The following SH3GL3 variants were observed in gnomAD, a reference collection of about 807,000 sequenced individuals.
SH3GL3 encodes endophilin-A3.
Under a neutral mutation model 47.7 loss-of-function variants are expected in SH3GL3, and 33 were observed. That is an observed-to-expected ratio of 0.69 (90% CI 0.52 to 0.92). SH3GL3 has a LOEUF of 0.92. Ranked by LOEUF, SH3GL3 falls within the 40% of genes least tolerant of loss-of-function variation. SH3GL3 has a pLI of 0.00. For synonymous variants in SH3GL3, 155 were observed against 148.8 expected, an observed-to-expected ratio of 1.04 and a Z score of -0.30; for missense variants, 363 against 417.8, an observed-to-expected ratio of 0.87 and a Z score of 1.14.
At chr15:83,541,336 T>C (rs2044153148) in intron 1 of SH3GL3, among the ~76,000 whole-genome samples, 1 of 95,244 alleles carries the variant, frequency 1.0e-5, no homozygotes, top group Non-Finnish European at 2.1e-5. Flanking sequence ...TTTTTTTTTT[T>C]TTTTTTTTTT....
the SH3GL3 span, among the ~76,000 whole-genome samples, chr15:83,627,303 C>T: frequency 2.7e-5 from 4 of 149,134 alleles, no homozygotes; most frequent in African/African-American, 4.9e-5. Flanking sequence ...AGGCTGAGGC[C>T]GGAGAATGGG....
intron 7 of SH3GL3, 34 bp downstream of exon 7, chr15:83,587,120 C>A: frequency 8.7e-7 from 1 of 1,149,770 alleles, no homozygotes; most frequent in Non-Finnish European, 1.3e-6. Flanking sequence ...AAGCCAAGGG[C>A]TGCGGAGGTA....
At chr15:83,507,075 C>T (rs918632083) in intron 1 of SH3GL3, among the ~76,000 whole-genome samples, 7 of 151,350 alleles carry the variant, frequency 4.6e-5, no homozygotes, top group South Asian at 2.1e-4. Flanking sequence ...GCACGATCTC[C>T]GCTCACTGCA....
intron 1 of SH3GL3, among the ~76,000 whole-genome samples, chr15:83,471,895 T>C (rs889872772): frequency 2.0e-5 from 3 of 152,184 alleles, no homozygotes; most frequent in Non-Finnish European, 2.9e-5. Flanking sequence ...CTTTTCTTTT[T>C]TTTTTGAGAC....
chr15:83,576,536 G>T (rs766026484), intron 5 of SH3GL3, 47 bp from the exon 6 acceptor site: 1 of 1,524,922 alleles, frequency 6.6e-7, no homozygotes, highest in Non-Finnish European at 8.8e-7. Flanking sequence ...TTTGTGCCAG[G>T]TTTTGAATGT....
chr15:83,578,212 G>A (rs1366394337), intron 6 of SH3GL3, among the ~76,000 whole-genome samples: 1 of 152,122 alleles, frequency 6.6e-6, no homozygotes, highest in African/African-American at 2.4e-5. Context: ...CTCCCTGCTC[G>A]GCCTTGGGTT....
intron 8 of SH3GL3, among the ~76,000 whole-genome samples, chr15:83,593,768 C>A (rs2060166387): frequency 2.0e-5 from 3 of 152,008 alleles, no homozygotes; most frequent in Non-Finnish European, 4.4e-5. Flanking sequence ...AGGGGAGAAG[C>A]ATTCAATACT....
chr15:83,528,023 AC>A (rs2043502650), intron 1 of SH3GL3, among the ~76,000 whole-genome samples: 2 of 152,140 alleles, frequency 1.3e-5, no homozygotes, highest in Admixed American at 1.3e-4. Flanking sequence ...TCTGGAAAAG[AC>A]TTTATTTCTC....
At chr15:83,590,297 T>A (rs1211489270) in intron 8 of SH3GL3, among the ~76,000 whole-genome samples, 2 of 152,138 alleles carry the variant, frequency 1.3e-5, no homozygotes, top group Non-Finnish European at 2.9e-5. Context: ...TATTTTGATG[T>A]AGTCAAATGT....
intron 8 of SH3GL3, among the ~76,000 whole-genome samples, chr15:83,614,649 G>T (rs2060765471): frequency 6.6e-6 from 1 of 152,194 alleles, no homozygotes; most frequent in South Asian, 2.1e-4. Context: ...GCTGTTTAGT[G>T]TGCCACCAAG....
At chr15:83,514,412 G>A (rs908832480) in intron 1 of SH3GL3, among the ~76,000 whole-genome samples, 8 of 152,076 alleles carry the variant, frequency 5.3e-5, no homozygotes, top group African/African-American at 1.7e-4. Context: ...GAGAGAGAGG[G>A]TGGAAAGGGT....
At chr15:83,621,180 A>G (rs1221722305), downstream of SH3GL3, among the ~76,000 whole-genome samples, 3 of 152,244 alleles carry the variant, frequency 2.0e-5, no homozygotes, top group Non-Finnish European at 4.4e-5. Flanking sequence ...TCACTGGAGC[A>G]GCACTTTTAA....
At chr15:83,548,425 T>C (rs947260844) in intron 1 of SH3GL3, among the ~76,000 whole-genome samples, 1 of 150,830 alleles carries the variant, frequency 6.6e-6, no homozygotes, top group Non-Finnish European at 1.5e-5. Context: ...ATATATATAA[T>C]ACATACACAC....
chr15:83,479,588 C>G (rs575835414), intron 1 of SH3GL3, among the ~76,000 whole-genome samples: 2 of 152,198 alleles, frequency 1.3e-5, no homozygotes, highest in Non-Finnish European at 2.9e-5. Flanking sequence ...CCCTGCCCAT[C>G]ATTGGCTGAG....
At chr15:83,585,415 C>T (rs185129610) in intron 6 of SH3GL3, among the ~76,000 whole-genome samples, 337 of 152,200 alleles carry the variant, frequency 2.2e-3, no homozygotes, top group Non-Finnish European at 3.4e-3. Flanking sequence ...TTCACTATTT[C>T]TTTAAAAATT....
chr15:83,562,515 A>G (rs1387849024), intron 2 of SH3GL3, among the ~76,000 whole-genome samples: 1 of 152,176 alleles, frequency 6.6e-6, no homozygotes, highest in African/African-American at 2.4e-5. Flanking sequence ...TACATTATAA[A>G]TCTAAAATCC....
chr15:83,553,743 C>G (rs2044784301), intron 1 of SH3GL3, among the ~76,000 whole-genome samples: 1 of 152,108 alleles, frequency 6.6e-6, no homozygotes, highest in Non-Finnish European at 1.5e-5. Context: ...CTTGAAATAT[C>G]CACTCAACAC....
chr15:83,548,078 T>C (rs1478850537), intron 1 of SH3GL3, among the ~76,000 whole-genome samples: 1 of 151,606 alleles, frequency 6.6e-6, no homozygotes, highest in Non-Finnish European at 1.5e-5. Context: ...TGGTGGTGTC[T>C]TCATTAAATT....
At chr15:83,520,346 A>T (rs2043154376) in intron 1 of SH3GL3, among the ~76,000 whole-genome samples, 2 of 152,198 alleles carry the variant, frequency 1.3e-5, no homozygotes, top group Admixed American at 1.3e-4. Flanking sequence ...AAAAAAGCAG[A>T]GTGTCTGCCT....
Sources: allele counts gnomAD v4.1 joint callset (sites outside exome capture counted in the v4.1 genomes callset), GRCh38; gene constraint gnomAD v4.1.1; transcripts MANE v1.5; gene names NCBI Gene and HGNC (gene_info 2026-07-23, HGNC 2026-07-21).